DNAH14: variants seen among roughly 807,000 people sequenced by gnomAD.
DNAH14 encodes dynein axonemal heavy chain 14.
Under a neutral mutation model 520.9 loss-of-function variants are expected in DNAH14, and 478 were observed. The observed-to-expected ratio is 0.92, with a 90% confidence interval of 0.85 to 0.99. The LOEUF is 0.99. DNAH14 is among the 50% of genes least tolerant of loss of function. The pLI is 0.00. For missense variants in DNAH14, 4,831 were observed against 5,234.5 expected (o/e 0.92, Z 2.38); for synonymous variants, 1,581 against 1,757.2 (o/e 0.90, Z 2.51).
chr1:225,383,447 G>A (rs568552349), intron 81 of DNAH14, among the ~76,000 whole-genome samples: 7 of 152,166 alleles, frequency 4.6e-5, no homozygotes, highest in South Asian at 2.1e-4. Context: ...AGCAAGCCCC[G>A]TGGTGAAACA....
At position 225,305,133 on chromosome 1, in the gene DNAH14, T is replaced by G. The variant is rs781753140; in HGVS notation, c.9005+44T>G. 1.7e-4 allele frequency: 253 copies of G among 1,492,308 alleles called. 1 individual carries two copies. Among genetic ancestry groups the G allele is most frequent in the Non-Finnish European group, 6.5e-5 (73 of 1,129,016 alleles). 92.4% of individuals were successfully genotyped at this position (1,492,308 alleles called of 1,614,324 possible). A position where few individuals can be genotyped will look rare whatever the true frequency, so the allele number is the denominator to read the frequency against. On this transcript the variant is annotated intron_variant, in intron 58 of 85. Transcript: ENST00000682510. Reference sequence around the variant, plus strand: ...ATCATAAATATATTTTATATTGGTGTTTTTGTTTGCGAAAAGAGACACAAA... The same window carrying G: ...ATCATAAATATATTTTATATTGGTGGTTTTGTTTGCGAAAAGAGACACAAA...
intron 64 of DNAH14, among the ~76,000 whole-genome samples, chr1:225,326,415 G>T (rs1027676858): frequency 1.2e-4 from 18 of 152,186 alleles, no homozygotes; most frequent in Admixed American, 5.2e-4. Context: ...TGTCGTGCGG[G>T]TAGAAGCAGA....
At chr1:225,332,827 C>G (rs1446705307) in intron 65 of DNAH14, among the ~76,000 whole-genome samples, 1 of 112,772 alleles carries the variant, frequency 8.9e-6, no homozygotes, top group Non-Finnish European at 1.7e-5. Flanking sequence ...GATCCTGTCT[C>G]TACAAAAAAA....
At chr1:225,084,935 A>G (rs1006022264) in intron 20 of DNAH14, among the ~76,000 whole-genome samples, 13 of 152,190 alleles carry the variant, frequency 8.5e-5, no homozygotes, top group African/African-American at 3.1e-4. Context: ...TGAATAATCT[A>G]TGTCAAAAGG....
chr1:225,252,202 T>C (rs2092579975), intron 43 of DNAH14, 99 bp from the exon 44 acceptor site: 1 of 736,148 alleles, frequency 1.4e-6, no homozygotes, highest in African/African-American at 1.8e-5. Context: ...TATTATTTCT[T>C]GTTCAACAAT....
chr1:225,383,932 G>T (rs2095808378), intron 81 of DNAH14, among the ~76,000 whole-genome samples: 1 of 152,152 alleles, frequency 6.6e-6, no homozygotes, highest in Admixed American at 6.5e-5. Context: ...ATTCTGGTAT[G>T]TTGTGTCTTT....
At chr1:225,025,586 C>T (rs2066045462) in intron 11 of DNAH14, among the ~76,000 whole-genome samples, 1 of 151,668 alleles carries the variant, frequency 6.6e-6, no homozygotes, top group South Asian at 2.1e-4. Flanking sequence ...ACAACAACAA[C>T]AACATCAAAA....
intron 37 of DNAH14, among the ~76,000 whole-genome samples, chr1:225,189,264 G>C (rs1408920341): frequency 2.0e-5 from 3 of 151,746 alleles, no homozygotes; most frequent in African/African-American, 7.3e-5. Context: ...GATTCAGTTT[G>C]TTAGCATCTT....
chr1:225,165,342 T>G (rs1050690743), intron 35 of DNAH14, among the ~76,000 whole-genome samples: 11 of 152,140 alleles, frequency 7.2e-5, no homozygotes, highest in South Asian at 2.1e-4. Context: ...GTTGTGAGTT[T>G]GGTACTCTTT....
chr1:225,083,715 C>T (rs1162374802), intron 20 of DNAH14, among the ~76,000 whole-genome samples: 1 of 152,114 alleles, frequency 6.6e-6, no homozygotes, highest in Admixed American at 6.6e-5. Flanking sequence ...CTAAATATCT[C>T]ATCTTAGAGC....
Position 225,322,723 on chromosome 1 carries a change from T to C in DNAH14, c.9395T>C (p.Leu3132Pro). The change falls in exon 62 of 86, where the codon CTG becomes CCG. Residue 3132 changes from leucine to proline, a missense_variant. Transcript: ENST00000682510. The stretch of plus-strand genomic sequence containing the variant: ...GTCATGAATGCAGTGTGTATTCTTC[T>C]GCAAAAGAAACCTAACTGGGCAACG... ...LTVMNAVCILLQKKPNWATAK... is the reference protein window; with the variant it reads ...LTVMNAVCILPQKKPNWATAK... 1 of 1,551,632 alleles carries C rather than the reference T, an allele frequency of 6.4e-7. No homozygotes were observed. Among genetic ancestry groups the C allele is most frequent in the South Asian group, 1.2e-5 (1 of 84,054 alleles).
intron 36 of DNAH14, among the ~76,000 whole-genome samples, chr1:225,174,102 G>A (rs935694567): frequency 6.6e-5 from 10 of 152,046 alleles, no homozygotes; most frequent in Non-Finnish European, 1.5e-4. Context: ...CACACACCAG[G>A]GCCTGTTGTG....
intron 11 of DNAH14, among the ~76,000 whole-genome samples, chr1:225,029,798 A>G (rs1358302390): frequency 6.6e-6 from 1 of 151,976 alleles, no homozygotes; most frequent in Admixed American, 6.6e-5. Flanking sequence ...AGAAGAAGAC[A>G]GTGTGACAAC....
intron 17 of DNAH14, among the ~76,000 whole-genome samples, chr1:225,060,608 A>G (rs879218883): frequency 6.6e-6 from 1 of 151,322 alleles, no homozygotes; most frequent in Non-Finnish European, 1.5e-5. Context: ...TAGAGTTTCC[A>G]GTTTTTCTGC....
chr1:225,357,640 C>A, intron 73 of DNAH14: 1 of 498,984 alleles, frequency 2.0e-6, no homozygotes, highest in Non-Finnish European at 3.5e-6. Flanking sequence ...TTTTCCAAAA[C>A]ATAACAGAAA....
At chr1:225,154,853 CA>C (rs1175011505) in intron 34 of DNAH14, among the ~76,000 whole-genome samples, 1 of 151,342 alleles carries the variant, frequency 6.6e-6, no homozygotes, top group African/African-American at 2.4e-5. Context: ...TTTTTGAAGT[CA>C]AAAGACAATT....
At chr1:225,294,796 C>A (rs1371524531) in intron 55 of DNAH14, among the ~76,000 whole-genome samples, 1 of 150,330 alleles carries the variant, frequency 6.7e-6, no homozygotes, top group Non-Finnish European at 1.5e-5. Flanking sequence ...TGCACTCCAG[C>A]CTGGGTGACA....
chr1:225,278,721 A>G (rs2093554502), intron 54 of DNAH14, among the ~76,000 whole-genome samples: 1 of 152,060 alleles, frequency 6.6e-6, no homozygotes, highest in South Asian at 2.1e-4. Flanking sequence ...CTGTTTAGTT[A>G]TTTTACCACA....
In DNAH14 at chr1:225,273,227, T is replaced by G. The variant is rs930631897; in HGVS notation, c.8010+102T>G. ...GCGGGCAGATCACGAGGTCAGGAGA[T>G]TGAGACCATCCTGGCTAACACGTGA... On this transcript the variant is annotated intron_variant, in intron 52 of 85. Coordinates refer to ENST00000682510, the MANE Select transcript of DNAH14 (RefSeq NM_001367479.1). 11 of 1,250,804 alleles carry G rather than the reference T, an allele frequency of 8.8e-6. No individual in the cohort carries two copies. The African/African-American group carries it at 1.7e-4, about 19-fold the overall frequency. 77.5% of individuals were successfully genotyped at this position (1,250,804 alleles called of 1,614,324 possible).
Sources: gnomAD v4.1 joint callset for allele counts (sites outside exome capture counted in the v4.1 genomes callset) on GRCh38, gnomAD v4.1.1 for gene constraint, MANE v1.5 for transcripts, NCBI Gene and HGNC (gene_info 2026-07-23, HGNC 2026-07-21) for gene names.